HIRA: variants seen among roughly 807,000 people sequenced by gnomAD.
The protein encoded by HIRA is protein HIRA.
Under a neutral mutation model 126.6 loss-of-function variants are expected in HIRA, and 13 were observed. That is an observed-to-expected ratio of 0.10 (90% CI 0.07 to 0.16). The LOEUF (loss-of-function observed/expected upper bound fraction) is 0.16, where lower values mean the gene tolerates loss of function less well. Among genes scored for constraint, HIRA ranks in the 10% least tolerant of loss-of-function variants. The probability of loss-of-function intolerance (pLI) is 1.00; values close to 1 mark genes in which losing one functional copy is unlikely to be tolerated. For missense variants in HIRA, 834 were observed against 1,314.4 expected, an observed-to-expected ratio of 0.63 and a Z score of 5.65; for synonymous variants, 511 against 520.0, an observed-to-expected ratio of 0.98 and a Z score of 0.24.
At chr22:19,413,370 C>A (rs1025241221) in intron 1 of HIRA, among the ~76,000 whole-genome samples, 6 of 152,128 alleles carry the variant, frequency 3.9e-5, no homozygotes, top group African/African-American at 1.4e-4. Context: ...ACTTACCCAG[C>A]TACAAAGCCT....
Position 19,351,548 on chromosome 22 carries a change from T to C in HIRA, c.2849-102A>G. 1 of 945,154 alleles carries C rather than the reference T, an allele frequency of 1.1e-6. No homozygotes were observed. 58.5% of individuals were successfully genotyped at this position (945,154 alleles called of 1,614,324 possible). A position where few individuals can be genotyped will look rare whatever the true frequency, so the allele number is the denominator to read the frequency against. ...AATCAAGAATATGTTGTTGTGTCTATCAAATCAGAATAAACACATGCGTAT... is the reference window on the plus strand; with the variant it reads ...AATCAAGAATATGTTGTTGTGTCTACCAAATCAGAATAAACACATGCGTAT... On this transcript the variant is annotated intron_variant, in intron 23 of 24. Transcript: ENST00000263208. The surrounding 1 kb of genome is among the most constrained non-coding windows in gnomAD (Gnocchi z 4.8).
intron 1 of HIRA, among the ~76,000 whole-genome samples, chr22:19,421,940 G>A (rs139971126): frequency 0.015 from 2,318 of 152,128 alleles, 59 homozygotes; most frequent in African/African-American, 0.053. Flanking sequence ...CCAAAGTGCT[G>A]GGATTACAGG....
rs1037179675 is a variant in HIRA, at chr22:19,383,525, G to A, written c.1415+95C>T. ...ATGTTCTACCAGTCAGGTTGTGAAG[G>A]ACCCGTGAAGATCCTCACTGTGAAA... On this transcript the variant is annotated intron_variant, in intron 13 of 24. Coordinates refer to ENST00000263208, the MANE Select transcript of HIRA (RefSeq NM_003325.4). The A allele has an allele frequency of 4.1e-6, 4 of 984,656 alleles. No homozygotes were observed. The South Asian group carries it at 5.5e-5, about 14-fold the overall frequency. 61.0% of individuals were successfully genotyped at this position (984,656 alleles called of 1,614,324 possible). A position where few individuals can be genotyped will look rare whatever the true frequency, so the allele number is the denominator to read the frequency against.
intron 13 of HIRA, among the ~76,000 whole-genome samples, chr22:19,380,666 G>C (rs5993621): frequency 0.02 from 3,065 of 152,180 alleles, 114 homozygotes; most frequent in African/African-American, 0.069. Context: ...AGGCTGGAGA[G>C]TGGCACTATC....
rs1412382437 is a variant in HIRA, at chr22:19,331,154, C to T, written c.*286G>A. On this transcript the variant is annotated 3_prime_UTR_variant, in exon 25 of 25. Coordinates refer to ENST00000263208, the MANE Select transcript of HIRA (RefSeq NM_003325.4). ...TTGGGGCCGTGCTGGAGACGGCAGGCCTGGGACTGCCTTGCTGGCCCCAGG... is the reference window on the plus strand; with the variant it reads ...TTGGGGCCGTGCTGGAGACGGCAGGTCTGGGACTGCCTTGCTGGCCCCAGG... The T allele has an allele frequency of 1.5e-6, 2 of 1,355,188 alleles. No homozygotes were observed. Among genetic ancestry groups the T allele is most frequent in the African/African-American group, 1.5e-5 (1 of 68,770 alleles). The allele number at this position is 1,355,188 out of a possible 1,614,324, so 83.9% of individuals were successfully genotyped here.
At chr22:19,391,159 A>T (rs1300153703) in intron 9 of HIRA, among the ~76,000 whole-genome samples, 4 of 152,218 alleles carry the variant, frequency 2.6e-5, no homozygotes, top group African/African-American at 9.6e-5. Flanking sequence ...GCTACACCGA[A>T]ATTATAAGGA....
chr22:19,351,471 A>C lies in HIRA; in HGVS notation c.2849-25T>G. ...CCTAATTACAGAAAAACAAACAAAC[A>C]ACAACAACAAAAAACAAAACAGAAA... is the stretch of plus-strand genomic sequence containing the variant. On this transcript the variant is annotated intron_variant, in intron 23 of 24. Coordinates refer to ENST00000263208, the MANE Select transcript of HIRA (RefSeq NM_003325.4). The surrounding 1 kb of genome is among the most constrained non-coding windows in gnomAD (Gnocchi z 4.8). 6.5e-7 allele frequency: 1 copy of C among 1,546,290 alleles called. No homozygotes were observed. The highest frequency in any genetic ancestry group is 2.2e-5 in the East Asian group (1 of 44,554).
rs1437189625 is a variant in HIRA at position 19,398,559 on chromosome 22, A to G, written c.398-472T>C. ...TCATCTTGAGGCCCTCGTCTGGTTC[A>G]TGGACTGGGTCTCATCTCCCAGACC... On this transcript the variant is annotated intron_variant, in intron 5 of 24. Coordinates refer to ENST00000263208, the MANE Select transcript of HIRA (RefSeq NM_003325.4). Among the ~76,000 whole-genome samples the G allele has an allele frequency of 2.0e-5, 3 of 152,234 alleles. No individual in the cohort carries two copies. In the East Asian group the frequency reaches 5.8e-4, roughly 29 times the overall value.
Position 19,411,192 on chromosome 22 carries a change from T to C in HIRA, c.38-414A>G, listed in dbSNP as rs142200352. On this transcript the variant is annotated intron_variant, in intron 1 of 24. Coordinates refer to ENST00000263208, the MANE Select transcript of HIRA (RefSeq NM_003325.4). ...CAGCGCTGGCTGCAACCAAGGAGCATTGCTTCGCTTGTCATACTTCTGCTT... is the reference window on the plus strand; with the variant it reads ...CAGCGCTGGCTGCAACCAAGGAGCACTGCTTCGCTTGTCATACTTCTGCTT... Among the ~76,000 whole-genome samples the C allele has an allele frequency of 2.6e-3, 395 of 152,366 alleles. 4 individuals are homozygous for C. The highest frequency in any genetic ancestry group is 9.4e-3 in the African/African-American group (391 of 41,592).
At chr22:19,368,420 C>A (rs2088933994) in intron 15 of HIRA, among the ~76,000 whole-genome samples, 1 of 151,118 alleles carries the variant, frequency 6.6e-6, no homozygotes, top group African/African-American at 2.5e-5. Context: ...TCCTCAAAAT[C>A]CTTTAAAAAT....
At chr22:19,385,854 G>C (rs2089122015) in intron 11 of HIRA, 118 bp from the exon 12 acceptor site, 1 of 891,284 alleles carries the variant, frequency 1.1e-6, no homozygotes, top group Non-Finnish European at 1.7e-6. Context: ...AGGGACCCAA[G>C]GCCAACTCCC....
At position 19,351,241 on chromosome 22, in the gene HIRA, TG is replaced by T; in HGVS notation, c.2937+116del. Reference sequence around the variant, plus strand: ...TCTCACTGATGCTGGGACCTGAGGCTGGGTGCTGGAGAAGTCTAACGGGACA... The same window carrying T: ...TCTCACTGATGCTGGGACCTGAGGCTGGTGCTGGAGAAGTCTAACGGGACA... On this transcript the variant is annotated intron_variant, in intron 24 of 24. Coordinates refer to ENST00000263208, the MANE Select transcript of HIRA (RefSeq NM_003325.4). The surrounding 1 kb of genome is among the most constrained non-coding windows in gnomAD (Gnocchi z 4.8). The T allele has an allele frequency of 7.0e-7, 1 of 1,432,920 alleles. No individual in the cohort carries two copies. The highest frequency in any genetic ancestry group is 9.1e-7 in the Non-Finnish European group (1 of 1,094,432). 88.8% of individuals were successfully genotyped at this position (1,432,920 alleles called of 1,614,324 possible). A position where few individuals can be genotyped will look rare whatever the true frequency, so the allele number is the denominator to read the frequency against.
intron 24 of HIRA, among the ~76,000 whole-genome samples, chr22:19,340,544 G>A (rs1427716732): frequency 2.0e-5 from 3 of 151,982 alleles, no homozygotes; most frequent in African/African-American, 7.3e-5. Context: ...AAGAAATAAA[G>A]GGCATCCAAA....
At chr22:19,337,668 G>A (rs782725219) in intron 24 of HIRA, among the ~76,000 whole-genome samples, 3 of 152,076 alleles carry the variant, frequency 2.0e-5, no homozygotes, top group Non-Finnish European at 2.9e-5. Flanking sequence ...AGAACACCTG[G>A]GAAATTTATC....
intron 24 of HIRA, among the ~76,000 whole-genome samples, chr22:19,343,697 G>A (rs1030685616): frequency 3.0e-4 from 45 of 150,896 alleles, no homozygotes; most frequent in African/African-American, 1.1e-3. Flanking sequence ...AGCCTGAGAC[G>A]GGTGGATTGA....
intron 4 of HIRA, among the ~76,000 whole-genome samples, chr22:19,406,914 A>G (rs901542742): frequency 1.3e-5 from 2 of 152,228 alleles, no homozygotes; most frequent in African/African-American, 4.8e-5. Flanking sequence ...TTGAAAAAAC[A>G]AAAGCAACGA....
At chr22:19,387,539 A>C (rs1469874918) in intron 11 of HIRA, among the ~76,000 whole-genome samples, 172 bp downstream of exon 11, 1 of 152,210 alleles carries the variant, frequency 6.6e-6, no homozygotes, top group Non-Finnish European at 1.5e-5. Flanking sequence ...TTTTTTAATT[A>C]ATCTATTTTG....
chr22:19,371,379 T>C (rs2088963077), intron 15 of HIRA, among the ~76,000 whole-genome samples: 1 of 152,214 alleles, frequency 6.6e-6, no homozygotes, highest in African/African-American at 2.4e-5. Context: ...ACTTTTAAAC[T>C]GCAATGATTA....
At chr22:19,394,627 C>G (rs944902255) in intron 7 of HIRA, 118 bp from the exon 8 acceptor site, 1 of 1,018,864 alleles carries the variant, frequency 9.8e-7, no homozygotes, top group Non-Finnish European at 1.4e-6. Flanking sequence ...GCATGCACCC[C>G]AAGCTTCTGG....
Sources: allele counts gnomAD v4.1 joint callset (sites outside exome capture counted in the v4.1 genomes callset), GRCh38; gene constraint gnomAD v4.1.1; non-coding constraint Gnocchi (gnomAD v3.1); transcripts MANE v1.5; gene names NCBI Gene and HGNC (gene_info 2026-07-23, HGNC 2026-07-21).